TLE1: variants seen among roughly 807,000 people sequenced by gnomAD.
TLE1 encodes transducin-like enhancer protein 1.
TLE1 carries 21 observed loss-of-function variants against 89.8 expected under a neutral mutation model. The ratio of observed to expected loss-of-function variants is 0.23; its 90% CI spans 0.17 to 0.34. The LOEUF (loss-of-function observed/expected upper bound fraction) is 0.34. Among genes scored for constraint, TLE1 ranks in the 10% least tolerant of loss-of-function variants. The pLI, the probability that TLE1 is intolerant of heterozygous loss-of-function variation, is 1.00. For missense variants in TLE1, 795 were observed against 1,031.2 expected (o/e 0.77, Z 3.14); for synonymous variants, 447 against 407.6 (o/e 1.10, Z -1.16).
intron 14 of TLE1, among the ~76,000 whole-genome samples, chr9:81,605,043 G>A (rs964636199): frequency 2.0e-5 from 3 of 152,154 alleles, no homozygotes; most frequent in Admixed American, 6.5e-5. Context: ...CTCTTTCCTG[G>A]AGCATGCCTG....
chr9:81,635,908 C>T (rs1231783516), intron 6 of TLE1, among the ~76,000 whole-genome samples: 1 of 152,044 alleles, frequency 6.6e-6, no homozygotes, highest in Non-Finnish European at 1.5e-5. Context: ...TCCTATAATC[C>T]CAACACTTTG....
intron 9 of TLE1, among the ~76,000 whole-genome samples, chr9:81,617,930 C>T (rs1171649633): frequency 6.6e-6 from 1 of 152,220 alleles, no homozygotes; most frequent in African/African-American, 2.4e-5. Flanking sequence ...GAGGCTGAGG[C>T]AGGAGAATCG....
intron 8 of TLE1, among the ~76,000 whole-genome samples, chr9:81,624,027 G>C (rs1825619198): frequency 1.3e-5 from 2 of 152,066 alleles, no homozygotes; most frequent in Non-Finnish European, 1.5e-5. Flanking sequence ...TACAGCCAAA[G>C]TGCCTCCCCT....
intron 6 of TLE1, among the ~76,000 whole-genome samples, chr9:81,635,923 C>G (rs1282545578): frequency 6.6e-6 from 1 of 152,110 alleles, no homozygotes; most frequent in Non-Finnish European, 1.5e-5. Context: ...ACTTTGGAGG[C>G]CAAGGCAGGA....
intron 2 of TLE1, among the ~76,000 whole-genome samples, 180 bp from the exon 3 acceptor site, chr9:81,686,076 T>C (rs1316230685): frequency 2.0e-5 from 3 of 152,170 alleles, no homozygotes; most frequent in Non-Finnish European, 4.4e-5. Flanking sequence ...ATGTGAACAA[T>C]ACAAGGTGTC....
At position 81,596,280 on chromosome 9, in the gene TLE1, C is replaced by T. The variant is rs371481803; in HGVS notation, c.1332-3006G>A. On this transcript the variant is annotated intron_variant, in intron 14 of 19. Coordinates refer to ENST00000376499, the MANE Select transcript of TLE1 (RefSeq NM_005077.5). ...GCGAGCTGCTGTCAGAAGCTGTGAA[C>T]ACTCATCCGTCCCACGGGAAGCCCA... is the stretch of plus-strand genomic sequence containing the variant. Among the ~76,000 whole-genome samples the T allele has an allele frequency of 9.9e-5, 15 of 152,254 alleles. No individual in the cohort carries two copies. The East Asian group carries it at 2.1e-3, about 22-fold the overall frequency.
chr9:81,595,892 T>C (rs1830138706), intron 14 of TLE1, among the ~76,000 whole-genome samples: 1 of 151,668 alleles, frequency 6.6e-6, no homozygotes, highest in Non-Finnish European at 1.5e-5. Flanking sequence ...GTGTTTAAGA[T>C]GGAGAAACTG....
At chr9:81,671,559 C>T (rs1305788274) in intron 4 of TLE1, among the ~76,000 whole-genome samples, 1 of 151,602 alleles carries the variant, frequency 6.6e-6, no homozygotes, top group African/African-American at 2.4e-5. Context: ...GCAGGAGAAT[C>T]GCTTGAACCC....
intron 4 of TLE1, among the ~76,000 whole-genome samples, chr9:81,677,410 GA>G (rs1258670787): frequency 3.3e-4 from 50 of 150,704 alleles, no homozygotes; most frequent in African/African-American, 1.1e-3. Flanking sequence ...CTAAAAATAC[GA>G]AAAATTAGCC....
intron 4 of TLE1, among the ~76,000 whole-genome samples, chr9:81,664,843 G>A (rs1018540278): frequency 2.0e-5 from 3 of 152,180 alleles, no homozygotes; most frequent in Non-Finnish European, 2.9e-5. Context: ...GCCCACCTGC[G>A]GAGTTCCTGT....
At chr9:81,634,376 G>A (rs1177099924) in intron 6 of TLE1, 75 bp from the exon 7 acceptor site, 4 of 1,245,042 alleles carry the variant, frequency 3.2e-6, no homozygotes, top group East Asian at 5.3e-5. Flanking sequence ...CGATGGAGGC[G>A]GCATCCAGGG....
At chr9:81,661,588 ACCAAGCG>A in intron 4 of TLE1, among the ~76,000 whole-genome samples, 1 of 152,192 alleles carries the variant, frequency 6.6e-6, no homozygotes, top group African/African-American at 2.4e-5. Flanking sequence ...GTTTCTTTGA[ACCAAGCG>A]GGAAGCCAAG....
At chr9:81,615,303 T>C (rs547160578) in intron 11 of TLE1, among the ~76,000 whole-genome samples, 3 of 148,442 alleles carry the variant, frequency 2.0e-5, no homozygotes, top group African/African-American at 7.5e-5. Flanking sequence ...CACTCCAGCC[T>C]GGGCAACAGA....
chr9:81,596,121 C>A (rs538576231), intron 14 of TLE1, among the ~76,000 whole-genome samples: 84 of 152,142 alleles, frequency 5.5e-4, no homozygotes, highest in African/African-American at 2.0e-3. Flanking sequence ...ATAGATGCAC[C>A]GAGTAACAGA....
intron 4 of TLE1, among the ~76,000 whole-genome samples, chr9:81,667,519 C>T (rs893630545): frequency 6.6e-6 from 1 of 152,068 alleles, no homozygotes; most frequent in Non-Finnish European, 1.5e-5. Context: ...GCTGAATGAC[C>T]CACATACATG....
intron 18 of TLE1, 131 bp from the exon 19 acceptor site, chr9:81,584,655 A>G: frequency 1.3e-6 from 1 of 777,248 alleles, no homozygotes; most frequent in Non-Finnish European, 2.1e-6. Flanking sequence ...CTGGTCCATG[A>G]TATGAACAGA....
At chr9:81,619,164 G>C (rs1297874969) in intron 9 of TLE1, among the ~76,000 whole-genome samples, 1 of 152,198 alleles carries the variant, frequency 6.6e-6, no homozygotes, top group Admixed American at 6.5e-5. Context: ...AGTACACAAT[G>C]AAAGTACATG....
chr9:81,600,503 C>T (rs979667424), intron 14 of TLE1, among the ~76,000 whole-genome samples: 2 of 151,834 alleles, frequency 1.3e-5, no homozygotes, highest in African/African-American at 2.4e-5. Context: ...CTCACCTCAA[C>T]TTAATTTCAA....
rs367720144 is a variant in TLE1 at position 81,585,747 on chromosome 9, G to T, written c.1978-92C>A. 3.7e-5 allele frequency: 55 copies of T among 1,484,264 alleles called. No individual in the cohort carries two copies. In the African/African-American group the frequency reaches 5.6e-4, roughly 15 times the overall value. 91.9% of individuals were successfully genotyped at this position (1,484,264 alleles called of 1,614,324 possible). On this transcript the variant is annotated intron_variant, in intron 17 of 19. Transcript: ENST00000376499. ...TGAAAAGTGGGGAAATAGCAAGAATGGGGGGAAGTAATCAGCCAAGTCCAG... is the reference window on the plus strand; with the variant it reads ...TGAAAAGTGGGGAAATAGCAAGAATTGGGGGAAGTAATCAGCCAAGTCCAG...
Sources: allele counts gnomAD v4.1 joint callset (sites outside exome capture counted in the v4.1 genomes callset), GRCh38; gene constraint gnomAD v4.1.1; transcripts MANE v1.5; gene names NCBI Gene and HGNC (gene_info 2026-07-23, HGNC 2026-07-21).